EBF1: variants seen among roughly 807,000 people sequenced by gnomAD.
The protein encoded by EBF1 is transcription factor COE1.
EBF1 carries 10 observed loss-of-function variants against 68.4 expected under a neutral mutation model. That is an observed-to-expected ratio of 0.15 (90% CI 0.09 to 0.25). EBF1 has a LOEUF of 0.25. Ranked by LOEUF, EBF1 falls within the 10% of genes least tolerant of loss-of-function variation. The pLI, the probability that EBF1 is intolerant of heterozygous loss-of-function variation, is 1.00. For missense variants in EBF1, 509 were observed against 794.4 expected (o/e 0.64, Z 4.32); for synonymous variants, 298 against 299.8 (o/e 0.99, Z 0.06).
intron 6 of EBF1, among the ~76,000 whole-genome samples, chr5:158,969,348 A>G (rs1489607802): frequency 1.3e-5 from 2 of 152,204 alleles, no homozygotes; most frequent in African/African-American, 4.8e-5. Flanking sequence ...GTAGGCTAAG[A>G]AAAGAGACTT....
chr5:158,801,938 G>C (rs1016746746), intron 8 of EBF1, among the ~76,000 whole-genome samples: 2 of 152,124 alleles, frequency 1.3e-5, no homozygotes, highest in African/African-American at 4.8e-5. Flanking sequence ...TATTAGCAAG[G>C]TGAATTTATA....
chr5:158,740,936 C>T lies in EBF1; in HGVS notation c.1037-9779G>A, dbSNP rs145448138. ...TATCTCAGCAATCCCTTCAAAGCAT[C>T]CCTAAGCCAAAAGCAATGCCCAACA... On this transcript the variant is annotated intron_variant, in intron 10 of 15. Transcript: ENST00000313708. Among the ~76,000 whole-genome samples, 649 of 152,316 alleles carry T rather than the reference C, an allele frequency of 4.3e-3. 3 individuals are homozygous for T. Among genetic ancestry groups the T allele is most frequent in the African/African-American group, 0.015 (611 of 41,568 alleles).
intron 6 of EBF1, among the ~76,000 whole-genome samples, chr5:158,990,258 C>A (rs1760029105): frequency 6.6e-6 from 1 of 152,198 alleles, no homozygotes; most frequent in Admixed American, 6.5e-5. Flanking sequence ...CCCAGGGAAA[C>A]CAGCCTCTGG....
At chr5:158,928,860 T>C (rs1190310865) in intron 6 of EBF1, among the ~76,000 whole-genome samples, 1 of 152,258 alleles carries the variant, frequency 6.6e-6, no homozygotes, top group Non-Finnish European at 1.5e-5. Flanking sequence ...CTCACTCTGC[T>C]TATGCTCTGC....
chr5:158,845,056 A>T (rs1325394741), intron 6 of EBF1, among the ~76,000 whole-genome samples: 1 of 152,182 alleles, frequency 6.6e-6, no homozygotes, highest in Non-Finnish European at 1.5e-5. Context: ...CTACATAAGG[A>T]TATAAAATTT....
In EBF1 at chr5:158,840,199, G is replaced by T; in HGVS notation, c.555-89C>A. On this transcript the variant is annotated intron_variant, in intron 6 of 15. Transcript: ENST00000313708. Reference sequence around the variant, plus strand: ...TAAGTCACCCCTGGGTTGTGCATTCGATTCTCTTTACATGTTTTCTGAAAT... The same window carrying T: ...TAAGTCACCCCTGGGTTGTGCATTCTATTCTCTTTACATGTTTTCTGAAAT... 9.9e-6 allele frequency: 9 copies of T among 907,660 alleles called. No homozygotes were observed. In the South Asian group the frequency reaches 1.1e-4, roughly 11 times the overall value. The allele number at this position is 907,660 out of a possible 1,614,324, so 56.2% of individuals were successfully genotyped here. A position where few individuals can be genotyped will look rare whatever the true frequency, so the allele number is the denominator to read the frequency against.
At chr5:158,939,948 C>G (rs981880288) in intron 6 of EBF1, among the ~76,000 whole-genome samples, 3 of 152,128 alleles carry the variant, frequency 2.0e-5, no homozygotes, top group Non-Finnish European at 4.4e-5. Flanking sequence ...TACACTTATA[C>G]CCTCTCAAGG....
chr5:158,961,837 G>A (rs1215666263), intron 6 of EBF1, among the ~76,000 whole-genome samples: 1 of 152,168 alleles, frequency 6.6e-6, no homozygotes, highest in Admixed American at 6.5e-5. Context: ...CTTTATCTAA[G>A]CTTCTGAGGG....
intron 4 of EBF1, among the ~76,000 whole-genome samples, chr5:159,093,601 T>C (rs768014007): frequency 6.6e-6 from 1 of 152,152 alleles, no homozygotes; most frequent in Non-Finnish European, 1.5e-5. Context: ...TTAAGCTCTA[T>C]GACCTTGTTA....
chr5:158,747,867 G>A (rs183239215), intron 10 of EBF1, among the ~76,000 whole-genome samples: 11 of 152,272 alleles, frequency 7.2e-5, no homozygotes, highest in Non-Finnish European at 1.6e-4. Context: ...CCATTTTACA[G>A]GAGAAAGACC....
chr5:158,751,469 T>C (rs977757260), intron 10 of EBF1, among the ~76,000 whole-genome samples: 4 of 152,178 alleles, frequency 2.6e-5, no homozygotes, highest in East Asian at 1.9e-4. Context: ...CCAAGCGTCA[T>C]ACACTCAGGG....
At position 159,079,820 on chromosome 5, in the gene EBF1, G is replaced by T. The variant is rs141951090; in HGVS notation, c.485+4846C>A. ...GGTAGAGATGGGGTTTCACCATGTTGGCCAGACTGGTCTTGAACTCTTGGC... is the reference window on the plus strand; with the variant it reads ...GGTAGAGATGGGGTTTCACCATGTTTGCCAGACTGGTCTTGAACTCTTGGC... On this transcript the variant is annotated intron_variant, in intron 5 of 15. Transcript: ENST00000313708. 6.1e-3 allele frequency among the ~76,000 whole-genome samples: 921 copies of T among 151,936 alleles called. 6 individuals carry two copies. The highest frequency in any genetic ancestry group is 0.021 in the African/African-American group (885 of 41,402).
intron 6 of EBF1, among the ~76,000 whole-genome samples, chr5:158,929,100 G>T (rs1181778501): frequency 6.6e-6 from 1 of 152,186 alleles, no homozygotes; most frequent in African/African-American, 2.4e-5. Context: ...GAAGGGAAAA[G>T]TAGGAGGGAG....
At chr5:159,087,927 C>T (rs371444864) in intron 4 of EBF1, among the ~76,000 whole-genome samples, 1 of 152,186 alleles carries the variant, frequency 6.6e-6, no homozygotes, top group Non-Finnish European at 1.5e-5. Flanking sequence ...TTCTCTCCCT[C>T]TCCTTGGGGC....
intron 11 of EBF1, among the ~76,000 whole-genome samples, chr5:158,729,363 A>T (rs1763612935): frequency 6.6e-6 from 1 of 151,438 alleles, no homozygotes; most frequent in Non-Finnish European, 1.5e-5. Flanking sequence ...TAAAGTGAAT[A>T]CAGTGCCCAA....
intron 8 of EBF1, among the ~76,000 whole-genome samples, chr5:158,812,323 C>A (rs984873702): frequency 1.3e-5 from 2 of 152,200 alleles, no homozygotes; most frequent in African/African-American, 2.4e-5. Context: ...ACAATTGCCA[C>A]TACACCCACA....
intron 8 of EBF1, among the ~76,000 whole-genome samples, chr5:158,809,889 G>A (rs747368832): frequency 6.6e-6 from 1 of 152,080 alleles, no homozygotes; most frequent in Non-Finnish European, 1.5e-5. Context: ...AATGTTGCAC[G>A]TATCATGAAA....
At chr5:159,012,640 A>G (rs1211754433) in intron 6 of EBF1, among the ~76,000 whole-genome samples, 7 of 152,074 alleles carry the variant, frequency 4.6e-5, no homozygotes, top group Non-Finnish European at 8.8e-5. Context: ...GCAAGCCACT[A>G]TGCTCTGCTA....
At chr5:158,960,782 G>A (rs985115881) in intron 6 of EBF1, among the ~76,000 whole-genome samples, 1 of 152,176 alleles carries the variant, frequency 6.6e-6, no homozygotes, top group African/African-American at 2.4e-5. Flanking sequence ...GGCTCACTCA[G>A]TGTGGGAGAA....
Sources: gnomAD v4.1 joint callset for allele counts (sites outside exome capture counted in the v4.1 genomes callset) on GRCh38, gnomAD v4.1.1 for gene constraint, MANE v1.5 for transcripts, NCBI Gene and HGNC (gene_info 2026-07-23, HGNC 2026-07-21) for gene names.